The following DMD variants were observed in gnomAD, a reference collection of about 807,000 sequenced individuals.
The protein encoded by DMD is mutant dystrophin.
Under a neutral mutation model 330.1 loss-of-function variants are expected in DMD, and 63 were observed. The observed-to-expected ratio is 0.19, with a 90% CI of 0.16 to 0.24. The LOEUF (loss-of-function observed/expected upper bound fraction) is 0.24. DMD is among the 10% of genes least tolerant of loss of function. The pLI, the probability that DMD is intolerant of heterozygous loss-of-function variation, is 1.00. For synonymous variants in DMD, 1,223 were observed against 959.8 expected, an observed-to-expected ratio of 1.27 and a Z score of -5.07; for missense variants, 3,344 against 2,684.1, an observed-to-expected ratio of 1.25 and a Z score of -5.43.
chrX:32,347,071 C>A (rs1347067981), intron 38 of DMD, among the ~76,000 whole-genome samples: 1 of 111,482 alleles, frequency 9.0e-6, no homozygotes, highest in Non-Finnish European at 1.9e-5. Context: ...AATGCATAAA[C>A]TTCAACACGC....
At chrX:33,315,506 G>A (rs779877114) in intron 1 of DMD, among the ~76,000 whole-genome samples, 1 of 112,073 alleles carries the variant, frequency 8.9e-6, no homozygotes, top group East Asian at 2.8e-4. Context: ...TTGGCAATAC[G>A]ATGTGTGTGT....
At chrX:32,789,044 G>GCAAC (rs2083144262) in intron 7 of DMD, among the ~76,000 whole-genome samples, 1 of 111,679 alleles carries the variant, frequency 9.0e-6, no homozygotes, top group Non-Finnish European at 1.9e-5. Flanking sequence ...TCTCACCTGG[G>GCAAC]CAACCCTTGC....
chrX:31,653,755 T>G (rs2080601699), intron 54 of DMD, among the ~76,000 whole-genome samples: 1 of 111,530 alleles, frequency 9.0e-6, no homozygotes, highest in African/African-American at 3.3e-5. Flanking sequence ...AACTCATATC[T>G]ATTCACAGAG....
At chrX:33,040,968 A>C (rs1403628994) in intron 1 of DMD, among the ~76,000 whole-genome samples, 4 of 112,253 alleles carry the variant, frequency 3.6e-5, no homozygotes, top group Non-Finnish European at 7.5e-5. Context: ...ACTAAAGAAA[A>C]CATCCAAAAC....
At chrX:31,778,900 T>C (rs1213374021) in intron 50 of DMD, among the ~76,000 whole-genome samples, 1 of 111,962 alleles carries the variant, frequency 8.9e-6, no homozygotes, top group African/African-American at 3.3e-5. Context: ...TATATCACAT[T>C]GATTCTTACT....
At chrX:32,864,370 G>C (rs1481985701) in intron 2 of DMD, among the ~76,000 whole-genome samples, 1 of 112,280 alleles carries the variant, frequency 8.9e-6, no homozygotes. Context: ...TCTTTACTTT[G>C]CAACTGCTGT....
At chrX:31,219,828 A>G (rs952242162) in intron 64 of DMD, among the ~76,000 whole-genome samples, 11 of 84,386 alleles carry the variant, frequency 1.3e-4, no homozygotes, top group African/African-American at 4.9e-4. Context: ...TCAAGGATCA[A>G]TGTATACACA....
At chrX:32,145,753 G>A (rs1413419857) in intron 44 of DMD, among the ~76,000 whole-genome samples, 2 of 111,764 alleles carry the variant, frequency 1.8e-5, no homozygotes, top group Admixed American at 1.9e-4. Context: ...AAACATGTCA[G>A]TAGGAAGAAG....
chrX:31,888,066 G>A (rs2094181403), intron 47 of DMD, among the ~76,000 whole-genome samples: 1 of 111,659 alleles, frequency 9.0e-6, no homozygotes, highest in African/African-American at 3.3e-5. Flanking sequence ...GTCAGAACAG[G>A]TGTTACTTGG....
intron 32 of DMD, among the ~76,000 whole-genome samples, chrX:32,388,456 G>A (rs1301167443): frequency 9.6e-6 from 1 of 104,659 alleles, no homozygotes; most frequent in African/African-American, 3.5e-5. Context: ...TTTCTTTTTG[G>A]GGGTGAGAAT....
In DMD at chrX:32,216,961, T is replaced by C. The variant is rs970683629; in HGVS notation, c.6393A>G (p.Gln2131=). ...TAGCATGTTCCCAATTCTCAGGAATTTGTGTCTTTCTGAGAAACTGTTCAG... is the reference window on the plus strand; with the variant it reads ...TAGCATGTTCCCAATTCTCAGGAATCTGTGTCTTTCTGAGAAACTGTTCAG... ...TEAEQFLRKT[Q]IPENWEHAKY... The change falls in exon 44 of 79, where the codon CAA becomes CAG. Residue 2131 remains glutamine, a synonymous_variant. Transcript: ENST00000357033. 19 of 1,206,747 alleles carry C rather than the reference T, an allele frequency of 1.6e-5. No individual in the cohort carries two copies. The highest frequency in any genetic ancestry group is 1.9e-5 in the Non-Finnish European group (17 of 892,654).
chrX:32,070,944 T>G (rs1294800330), intron 44 of DMD, among the ~76,000 whole-genome samples: 1 of 111,517 alleles, frequency 9.0e-6, no homozygotes, highest in Non-Finnish European at 1.9e-5. Flanking sequence ...AATAGTTTGC[T>G]GAGAATGATG....
intron 55 of DMD, among the ~76,000 whole-genome samples, chrX:31,574,236 C>T (rs1324270834): frequency 4.7e-5 from 5 of 105,832 alleles, no homozygotes; most frequent in East Asian, 5.9e-4. Flanking sequence ...CTCCACCTCC[C>T]GGATTCATGC....
chrX:31,570,253 A>G (rs2075737957), intron 55 of DMD, among the ~76,000 whole-genome samples: 1 of 111,689 alleles, frequency 9.0e-6, no homozygotes, highest in South Asian at 3.8e-4. Flanking sequence ...AAGAAGTTAC[A>G]GGTTTTGGGG....
At chrX:31,309,313 T>C (rs1290041336) in intron 62 of DMD, among the ~76,000 whole-genome samples, 2 of 111,552 alleles carry the variant, frequency 1.8e-5, no homozygotes, top group Non-Finnish European at 3.8e-5. Context: ...TAGAGGCTCT[T>C]GCTATTTCTA....
chrX:31,555,045 T>C (rs1569551133), intron 55 of DMD, among the ~76,000 whole-genome samples: 1 of 111,545 alleles, frequency 9.0e-6, no homozygotes, highest in Non-Finnish European at 1.9e-5. Context: ...ACAAAGATAT[T>C]TTATTTGATT....
At chrX:32,305,709 C>G (rs2097537963) in intron 42 of DMD, among the ~76,000 whole-genome samples, 1 of 111,050 alleles carries the variant, frequency 9.0e-6, no homozygotes, top group Non-Finnish European at 1.9e-5. Context: ...TACAATTGCT[C>G]TCATCTCATT....
intron 44 of DMD, chrX:32,155,267 T>TA (rs2096825098): frequency 7.6e-6 from 2 of 263,769 alleles, no homozygotes; most frequent in Non-Finnish European, 1.0e-5. Context: ...TGCATCAGAA[T>TA]AGAAGACTTA....
intron 55 of DMD, among the ~76,000 whole-genome samples, chrX:31,590,569 T>G: frequency 9.1e-6 from 1 of 109,390 alleles, no homozygotes; most frequent in African/African-American, 3.5e-5. Flanking sequence ...TCATTCTAGA[T>G]ATGAATTTTA....
Sources: gnomAD v4.1 joint callset for allele counts (sites outside exome capture counted in the v4.1 genomes callset) on GRCh38, gnomAD v4.1.1 for gene constraint, MANE v1.5 for transcripts, NCBI Gene and HGNC (gene_info 2026-07-23, HGNC 2026-07-21) for gene names.